TMEM217: variants seen among roughly 807,000 people sequenced by gnomAD.
The protein encoded by TMEM217 is transmembrane protein 217.
For synonymous variants in TMEM217, 76 were observed against 88.3 expected (o/e 0.86, Z 0.78); for missense variants, 204 against 248.8 (o/e 0.82, Z 1.21).
chr6:37,244,970 A>G lies in TMEM217; in HGVS notation c.-12+12598T>C, dbSNP rs557653931. 6.6e-5 allele frequency among the ~76,000 whole-genome samples: 10 copies of G among 152,294 alleles called. No homozygotes were observed. The South Asian group carries it at 1.7e-3, about 25-fold the overall frequency. ...GGCCTAGTTCCACATGTTTTTCATC[A>G]TCCAGCAGGCTAGCCTAGACATGTT... is the stretch of plus-strand genomic sequence containing the variant. On this transcript the variant is annotated intron_variant, in intron 1 of 1. Coordinates refer to ENST00000357219, the Ensembl canonical transcript of TMEM217.
chr6:37,257,773 C>T lies in TMEM217; in HGVS notation c.-217G>A. 1 of 855,430 alleles carries T rather than the reference C, an allele frequency of 1.2e-6. No homozygotes were observed. The highest frequency in any genetic ancestry group is 1.8e-6 in the Non-Finnish European group (1 of 546,850). The allele number at this position is 855,430 out of a possible 1,614,324, so 53.0% of individuals were successfully genotyped here. ...GCGGTGCTGGGTGGAGGGGTGCCCA[C>T]ATCCAAGATGGCGTCCCCAGGAGCT... On this transcript the variant is annotated 5_prime_UTR_variant, in exon 1 of 2. It adds an upstream start codon to the 5' untranslated region. Coordinates refer to ENST00000357219, the Ensembl canonical transcript of TMEM217.
At chr6:37,229,035 A>T (rs1359562627) in intron 1 of TMEM217, among the ~76,000 whole-genome samples, 5 of 152,002 alleles carry the variant, frequency 3.3e-5, no homozygotes, top group African/African-American at 1.2e-4. Context: ...TAATAATAAT[A>T]ATAACGAACA....
At chr6:37,221,482 T>G (rs540321504) in intron 1 of TMEM217, among the ~76,000 whole-genome samples, 57 of 152,278 alleles carry the variant, frequency 3.7e-4, no homozygotes, top group African/African-American at 1.3e-3. Flanking sequence ...CCACCCCACC[T>G]GGCCATGTAA....
rs1583508912 is a variant in TMEM217 at position 37,257,692 on chromosome 6, G to C, written c.-136C>G. ...ACCGGTCGGCTTCAGCGGCCTGCAG[G>C]ATTCCGGCTCCCAATTGGTCGGCCC... On this transcript the variant is annotated 5_prime_UTR_variant, in exon 1 of 2. The change creates a new upstream start codon in the 5' untranslated region. Transcript: ENST00000357219. 11 of 547,304 alleles carry C rather than the reference G, an allele frequency of 2.0e-5. No individual in the cohort carries two copies. The East Asian group carries it at 3.6e-4, about 18-fold the overall frequency. 33.9% of individuals were successfully genotyped at this position (547,304 alleles called of 1,614,324 possible).
chr6:37,248,407 CAT>C (rs1209251856), intron 1 of TMEM217, among the ~76,000 whole-genome samples: 1 of 152,216 alleles, frequency 6.6e-6, no homozygotes, highest in East Asian at 1.9e-4. Context: ...GAGGCAAAAT[CAT>C]ATGTTTTTAC....
At chr6:37,228,342 T>A (rs1003004976) in intron 1 of TMEM217, among the ~76,000 whole-genome samples, 3 of 152,248 alleles carry the variant, frequency 2.0e-5, no homozygotes, top group African/African-American at 7.2e-5. Context: ...TAATAGGTTG[T>A]GCTGTTCAAA....
chr6:37,251,362 A>G (rs1342242508), intron 1 of TMEM217, among the ~76,000 whole-genome samples: 2 of 133,650 alleles, frequency 1.5e-5, no homozygotes, highest in Non-Finnish European at 3.3e-5. Flanking sequence ...TTGAGAAACT[A>G]TAATTTGAAA....
chr6:37,219,017 T>G, exon 2 of TMEM217: 2 of 1,613,402 alleles, frequency 1.2e-6, no homozygotes, highest in Non-Finnish European at 8.5e-7. Flanking sequence ...CCCACACCAC[T>G]GCTGCTGTTT....
intron 1 of TMEM217, among the ~76,000 whole-genome samples, chr6:37,233,173 G>T (rs970987907): frequency 6.6e-6 from 1 of 151,648 alleles, no homozygotes; most frequent in African/African-American, 2.4e-5. Context: ...TGTTTCTCTG[G>T]TCTTTCTTAT....
intron 1 of TMEM217, among the ~76,000 whole-genome samples, chr6:37,250,638 G>A (rs1177763738): frequency 6.6e-6 from 1 of 152,210 alleles, no homozygotes; most frequent in Admixed American, 6.5e-5. Context: ...TGCTGATCAC[G>A]ACCTCTTATT....
intron 1 of TMEM217, among the ~76,000 whole-genome samples, chr6:37,222,371 G>A (rs1281749210): frequency 2.0e-5 from 3 of 152,242 alleles, no homozygotes; most frequent in Non-Finnish European, 2.9e-5. Flanking sequence ...CTGGTGCCGG[G>A]ATTGGAGAGA....
intron 1 of TMEM217, among the ~76,000 whole-genome samples, chr6:37,222,459 C>G (rs1339966841): frequency 6.6e-6 from 1 of 152,186 alleles, no homozygotes; most frequent in Non-Finnish European, 1.5e-5. Context: ...CTGGGGTCCC[C>G]GAGGGTGCAG....
intron 1 of TMEM217, among the ~76,000 whole-genome samples, chr6:37,246,411 A>G (rs888620657): frequency 1.3e-5 from 2 of 152,270 alleles, no homozygotes; most frequent in South Asian, 2.1e-4. Flanking sequence ...GTGGAAACAT[A>G]TGATACTTCT....
At chr6:37,216,030 T>A (rs532608421), downstream of TMEM217, among the ~76,000 whole-genome samples, 698 of 128,248 alleles carry the variant, frequency 5.4e-3, 2 homozygotes, top group African/African-American at 0.018. Flanking sequence ...TGTGTGTGTG[T>A]GTGAGAAACA....
exon 1 of TMEM217, chr6:37,257,881 C>T (rs1190964048): frequency 2.5e-6 from 4 of 1,608,618 alleles, no homozygotes; most frequent in Middle Eastern, 1.7e-4. Context: ...CGGGCAAACC[C>T]TTGGCCCGCC....
chr6:37,212,696 A>G (rs778215410), downstream of TMEM217: 1 of 628,470 alleles, frequency 1.6e-6, no homozygotes, highest in Non-Finnish European at 3.0e-6. Context: ...GTGATGATCC[A>G]CATGGCATAG....
At chr6:37,214,552 C>T (rs913107553), downstream of TMEM217, among the ~76,000 whole-genome samples, 1 of 152,016 alleles carries the variant, frequency 6.6e-6, no homozygotes, top group Non-Finnish European at 1.5e-5. Flanking sequence ...TCATCATCCC[C>T]ACCAAAATCT....
chr6:37,257,717 C>T (rs571050444), exon 1 of TMEM217: 3 of 565,166 alleles, frequency 5.3e-6, no homozygotes, highest in South Asian at 2.3e-5. Flanking sequence ...TTGGTCGGCC[C>T]GTCCACGGCT....
intron 1 of TMEM217, among the ~76,000 whole-genome samples, chr6:37,229,209 C>CAGG (rs10682242): frequency 0.05 from 7,624 of 151,910 alleles, 639 homozygotes; most frequent in African/African-American, 0.17. Flanking sequence ...TTTTACCTGT[C>CAGG]AGATTTACTA....
Sources: allele counts gnomAD v4.1 joint callset (sites outside exome capture counted in the v4.1 genomes callset), GRCh38; gene constraint gnomAD v4.1.1; transcripts MANE v1.5; gene names NCBI Gene and HGNC (gene_info 2026-07-23, HGNC 2026-07-21).